Variants in SLC25A12 observed in about 807,000 individuals in gnomAD.
SLC25A12 encodes solute carrier family 25 member 12.
SLC25A12 carries 32 observed loss-of-function variants against 83.3 expected under a neutral mutation model. The observed-to-expected ratio is 0.38, with a 90% confidence interval of 0.29 to 0.52. SLC25A12 has a LOEUF of 0.52. Ranked by LOEUF, SLC25A12 falls within the 20% of genes least tolerant of loss-of-function variation. SLC25A12 has a pLI of 0.84. For synonymous variants in SLC25A12, 267 were observed against 291.1 expected, an observed-to-expected ratio of 0.92 and a Z score of 0.84; for missense variants, 611 against 835.6, an observed-to-expected ratio of 0.73 and a Z score of 3.31.
chr2:171,853,489 GACCA>G lies in SLC25A12; in HGVS notation c.325+2341_325+2344del, dbSNP rs574570259. Among the ~76,000 whole-genome samples, 52 of 152,286 alleles carry G rather than the reference GACCA, an allele frequency of 3.4e-4. No individual in the cohort carries two copies. In the East Asian group the frequency reaches 9.6e-3, roughly 28 times the overall value. On this transcript the variant is annotated intron_variant, in intron 4 of 17. Coordinates refer to ENST00000422440, the MANE Select transcript of SLC25A12 (RefSeq NM_003705.5). ...TCAGGAGTTTGAGACTGGCCAGCCTGACCAACATGGGCGAAGCCCCGTCTCTACT... is the reference window on the plus strand; with the variant it reads ...TCAGGAGTTTGAGACTGGCCAGCCTGACATGGGCGAAGCCCCGTCTCTACT...
At chr2:171,837,908 G>GT (rs1684591444) in intron 5 of SLC25A12, among the ~76,000 whole-genome samples, 1 of 152,180 alleles carries the variant, frequency 6.6e-6, no homozygotes, top group African/African-American at 2.4e-5. Context: ...CTCATAAACT[G>GT]TAAGACAGTC....
At position 171,804,484 on chromosome 2, in the gene SLC25A12, C is replaced by T. The variant is rs558682733; in HGVS notation, c.1305+5122G>A. 4.6e-5 allele frequency among the ~76,000 whole-genome samples: 7 copies of T among 152,220 alleles called. No individual in the cohort carries two copies. In the East Asian group the frequency reaches 1.4e-3, roughly 29 times the overall value. On this transcript the variant is annotated intron_variant, in intron 13 of 17. Transcript: ENST00000422440. ...CCATGTTGGCCAGGCTGGTCTCAAA[C>T]TCCTGACCTCAAGTGATCCACACAC...
At chr2:171,876,076 C>A (rs554212688) in intron 2 of SLC25A12, among the ~76,000 whole-genome samples, 2 of 152,082 alleles carry the variant, frequency 1.3e-5, no homozygotes, top group Non-Finnish European at 2.9e-5. Flanking sequence ...AAGGACACAG[C>A]GGCTAACAAA....
intron 13 of SLC25A12, among the ~76,000 whole-genome samples, chr2:171,801,854 CATG>C (rs1334375520): frequency 2.0e-5 from 3 of 151,664 alleles, no homozygotes; most frequent in Non-Finnish European, 4.4e-5. Flanking sequence ...ATTTCCAACT[CATG>C]ATAGGTTTAT....
chr2:171,883,711 T>C (rs866919624), intron 2 of SLC25A12, among the ~76,000 whole-genome samples: 25 of 152,206 alleles, frequency 1.6e-4, no homozygotes, highest in African/African-American at 6.0e-4. Context: ...TCATTCCCTT[T>C]TAGTTCTCAG....
At chr2:171,885,647 G>A (rs1176427938) in intron 2 of SLC25A12, among the ~76,000 whole-genome samples, 1 of 150,336 alleles carries the variant, frequency 6.7e-6, no homozygotes, top group Non-Finnish European at 1.5e-5. Context: ...ACTCCAGTCT[G>A]GGTAACACAG....
intron 9 of SLC25A12, among the ~76,000 whole-genome samples, chr2:171,820,633 C>T (rs1210844833): frequency 7.3e-6 from 1 of 136,746 alleles, no homozygotes; most frequent in African/African-American, 2.6e-5. Context: ...GAGGCTGAGG[C>T]AGGAGAATGG....
chr2:171,850,403 T>C (rs1684903783), intron 4 of SLC25A12, among the ~76,000 whole-genome samples: 1 of 123,606 alleles, frequency 8.1e-6, no homozygotes, highest in South Asian at 2.9e-4. Flanking sequence ...TGCAGTGCAG[T>C]GGCCTGATCT....
intron 13 of SLC25A12, among the ~76,000 whole-genome samples, chr2:171,808,235 C>T (rs945716642): frequency 2.7e-5 from 4 of 148,372 alleles, no homozygotes; most frequent in East Asian, 3.9e-4. Context: ...AACCTTTGTG[C>T]GCTAAGTAAA....
intron 4 of SLC25A12, among the ~76,000 whole-genome samples, chr2:171,855,118 G>A (rs1351562444): frequency 6.6e-6 from 1 of 152,040 alleles, no homozygotes; most frequent in Non-Finnish European, 1.5e-5. Context: ...ACTACTACAT[G>A]GCTTTTATTG....
intron 4 of SLC25A12, chr2:171,845,801 C>T (rs527952876): frequency 1.3e-5 from 6 of 455,306 alleles, no homozygotes; most frequent in African/African-American, 1.2e-4. Flanking sequence ...TTGGATGTCA[C>T]TGGGGAGATG....
chr2:171,827,717 C>A (rs1009782952), intron 8 of SLC25A12, among the ~76,000 whole-genome samples: 6 of 152,110 alleles, frequency 3.9e-5, no homozygotes, highest in Non-Finnish European at 8.8e-5. Context: ...TTTGTTTGTG[C>A]GTTTTGTCCA....
At position 171,845,914 on chromosome 2, in the gene SLC25A12, A is replaced by G. The variant is rs1684788659; in HGVS notation, c.326-1406T>C. Reference sequence around the variant, plus strand: ...AATAGGTCAAGCGTTTTCACCTTACATAAATACAAATTTAAAAAGCAAAGA... The same window carrying G: ...AATAGGTCAAGCGTTTTCACCTTACGTAAATACAAATTTAAAAAGCAAAGA... On this transcript the variant is annotated intron_variant, in intron 4 of 17. Transcript: ENST00000422440. 2.8e-5 allele frequency: 11 copies of G among 391,236 alleles called. 1 individual carries two copies. The highest frequency in any genetic ancestry group is 2.0e-4 in the South Asian group (11 of 54,264). 24.2% of individuals were successfully genotyped at this position (391,236 alleles called of 1,614,324 possible).
chr2:171,810,379 T>C (rs1683923638), intron 11 of SLC25A12, 103 bp from the exon 12 acceptor site: 2 of 915,336 alleles, frequency 2.2e-6, no homozygotes, highest in Non-Finnish European at 3.7e-6. Context: ...CATCAAACAT[T>C]GCAGAGTTTT....
intron 5 of SLC25A12, among the ~76,000 whole-genome samples, chr2:171,837,956 A>G (rs1203016518): frequency 6.6e-6 from 1 of 152,214 alleles, no homozygotes; most frequent in African/African-American, 2.4e-5. Flanking sequence ...TGGGCAACCA[A>G]ACTTTGTAAT....
intron 3 of SLC25A12, among the ~76,000 whole-genome samples, chr2:171,860,060 C>T (rs930048127): frequency 6.6e-6 from 1 of 152,110 alleles, no homozygotes; most frequent in African/African-American, 2.4e-5. Context: ...TGAGCCACTG[C>T]GCCTGGCCTT....
chr2:171,796,102 C>T (rs1683592126), intron 13 of SLC25A12, among the ~76,000 whole-genome samples: 2 of 152,092 alleles, frequency 1.3e-5, no homozygotes, highest in Non-Finnish European at 2.9e-5. Flanking sequence ...TGCACCACCA[C>T]GCCCAGCTAA....
intron 2 of SLC25A12, among the ~76,000 whole-genome samples, chr2:171,880,818 A>T (rs995659124): frequency 2.6e-5 from 4 of 152,222 alleles, no homozygotes; most frequent in Non-Finnish European, 5.9e-5. Context: ...GCTACAGAAA[A>T]ATAATGAAAC....
intron 13 of SLC25A12, among the ~76,000 whole-genome samples, chr2:171,807,948 C>CCT (rs148686324): frequency 1.3e-4 from 20 of 150,942 alleles, no homozygotes; most frequent in African/African-American, 3.4e-4. Context: ...TCTGGAGCAA[C>CCT]CTCTCTCTCT....
Sources: gnomAD v4.1 joint callset for allele counts (sites outside exome capture counted in the v4.1 genomes callset) on GRCh38, gnomAD v4.1.1 for gene constraint, MANE v1.5 for transcripts, NCBI Gene and HGNC (gene_info 2026-07-23, HGNC 2026-07-21) for gene names.